Variants in DHX34 observed in about 807,000 individuals in gnomAD.
The protein encoded by DHX34 is probable ATP-dependent RNA helicase DHX34.
Under a neutral mutation model 111.1 loss-of-function variants are expected in DHX34, and 96 were observed. The observed-to-expected ratio is 0.86, with a 90% CI of 0.73 to 1.02. The LOEUF (loss-of-function observed/expected upper bound fraction) is 1.02. DHX34 is among the 50% of genes least tolerant of loss of function. The pLI, the probability that DHX34 is intolerant of heterozygous loss-of-function variation, is 0.00. For missense variants in DHX34, 1,560 were observed against 1,579.9 expected, an observed-to-expected ratio of 0.99 and a Z score of 0.21; for synonymous variants, 688 against 670.4, an observed-to-expected ratio of 1.03 and a Z score of -0.41.
chr19:47,363,679 G>A (rs1255708583), intron 6 of DHX34, among the ~76,000 whole-genome samples: 1 of 152,008 alleles, frequency 6.6e-6, no homozygotes, highest in Non-Finnish European at 1.5e-5. Flanking sequence ...TTAGCCGGGT[G>A]TGGTGGTGTG....
chr19:47,358,022 A>C lies in DHX34; in HGVS notation c.1174A>C (p.Ser392Arg). The C allele has an allele frequency of 6.2e-7, 1 of 1,613,600 alleles. No homozygotes were observed. Among genetic ancestry groups the C allele is most frequent in the Non-Finnish European group, 8.5e-7 (1 of 1,180,034 alleles). Residue 392 changes from serine (S) to arginine (R), a missense_variant, in exon 4 of 17, where the codon AGC becomes CGC. Transcript: ENST00000328771. ...CTTCCTCAGCGGCATGGCGGAGATC[A>C]GCGCCGTGCTGGAGGCTGCCCAGAC... Reference protein sequence around the residue: ...LVFLSGMAEISAVLEAAQTYA... With the variant: ...LVFLSGMAEIRAVLEAAQTYA...
At position 47,382,160 on chromosome 19, in the gene DHX34, C is replaced by T; in HGVS notation, c.*47C>T. On this transcript the variant is annotated 3_prime_UTR_variant, in exon 17 of 17. Coordinates refer to ENST00000328771, the MANE Select transcript of DHX34 (RefSeq NM_014681.6). The stretch of plus-strand genomic sequence containing the variant: ...ACCTCCGTGCAGCTGACCTGCCCTC[C>T]AGCCCAGGACTAGGGGCAGGACTCT... 6.2e-7 allele frequency: 1 copy of T among 1,607,384 alleles called. No individual in the cohort carries two copies. The highest frequency in any genetic ancestry group is 8.5e-7 in the Non-Finnish European group (1 of 1,176,684).
intron 3 of DHX34, 150 bp downstream of exon 3, chr19:47,355,500 C>G: frequency 1.5e-6 from 2 of 1,301,064 alleles, no homozygotes; most frequent in Non-Finnish European, 2.1e-6. Flanking sequence ...TCTGAGCATT[C>G]ATAATCAGCT....
chr19:47,381,119 C>CG lies in DHX34; in HGVS notation c.3160-60dup, dbSNP rs201698827. On this transcript the variant is annotated intron_variant, in intron 15 of 16. Transcript: ENST00000328771. ...CCCTGAGGGCTTCTGGGAAGGGTCC[C>CG]GGGGGGGCACTTGGGTGGTGGGTGG... The CG allele has an allele frequency of 1.9e-3, 2,966 of 1,597,932 alleles. 47 individuals carry two copies. The African/African-American group carries it at 0.028, about 15-fold the overall frequency.
At position 47,362,538 on chromosome 19, in the gene DHX34, A is replaced by G; in HGVS notation, c.1438A>G (p.Ile480Val). Residue 480 changes from isoleucine to valine, a missense_variant, in exon 6 of 17, where the codon ATT (isoleucine) becomes GTT (valine). Physicochemically the swap from Ile to Val is conservative, Grantham distance 29. Coordinates refer to ENST00000328771, the MANE Select transcript of DHX34 (RefSeq NM_014681.6). Reference protein sequence around the residue: ...AKLQRLQEFWISQASAEQRKG... With the variant: ...AKLQRLQEFWVSQASAEQRKG... ...GCTGCAACGGCTGCAGGAGTTCTGG[A>G]TTAGTCAGGCCAGCGCAGAGCAGCG... 2 of 1,610,336 alleles carry G rather than the reference A, an allele frequency of 1.2e-6. No individual in the cohort carries two copies. The highest frequency in any genetic ancestry group is 1.7e-6 in the Non-Finnish European group (2 of 1,178,248).
At position 47,373,667 on chromosome 19, in the gene DHX34, G is replaced by A. The variant is rs147516349; in HGVS notation, c.2031G>A (p.Leu677=). 1.2e-5 allele frequency: 19 copies of A among 1,613,934 alleles called. No homozygotes were observed. The African/African-American group carries it at 2.5e-4, about 22-fold the overall frequency. The change falls in exon 9 of 17, where the codon CTG becomes CTA. Residue 677 remains leucine (L), a synonymous_variant. Transcript: ENST00000328771. ...GCCGGGGCATAGAGGAGCATCGACT[G>A]TACGAAATGGCCAACCTTCGGCGCC... ...CRRRGIEEHR[L]YEMANLRRQF...
Position 47,377,084 on chromosome 19 carries a change from C to T in DHX34, c.2600-16C>T, listed in dbSNP as rs1217329114. 1.2e-6 allele frequency: 2 copies of T among 1,613,766 alleles called. No homozygotes were observed. Among genetic ancestry groups the T allele is most frequent in the Non-Finnish European group, 1.7e-6 (2 of 1,179,834 alleles). On this transcript the variant is annotated splice_polypyrimidine_tract_variant and intron_variant, in intron 12 of 16. Transcript: ENST00000328771. ...TGGGCCAGGGTGGGCCTGAGCGGTC[C>T]TCCTCAACCTTTCAGACGACAAGGA...
In DHX34 at chr19:47,358,004, A is replaced by G; in HGVS notation, c.1156A>G (p.Ser386Gly). The change falls in exon 4 of 17, where the codon AGC becomes GGC. Residue 386 changes from serine to glycine, a missense_variant. By Grantham distance (56) the Ser-to-Gly change is moderately conservative. Coordinates refer to ENST00000328771, the MANE Select transcript of DHX34 (RefSeq NM_014681.6). ...GCGGGGTGACCTCCTCGTCTTCCTC[A>G]GCGGCATGGCGGAGATCAGCGCCGT... ...EERGDLLVFL[S>G]GMAEISAVLE... 6.2e-7 allele frequency: 1 copy of G among 1,613,826 alleles called. No individual in the cohort carries two copies. Among genetic ancestry groups the G allele is most frequent in the Non-Finnish European group, 8.5e-7 (1 of 1,180,032 alleles).
chr19:47,370,845 G>A (rs1256210775), intron 7 of DHX34, among the ~76,000 whole-genome samples: 1 of 152,052 alleles, frequency 6.6e-6, no homozygotes, highest in Non-Finnish European at 1.5e-5. Context: ...CTCAGTTTTT[G>A]TATTTTTTAG....
At chr19:47,355,453 C>A in intron 3 of DHX34, 103 bp downstream of exon 3, 1 of 1,471,222 alleles carries the variant, frequency 6.8e-7, no homozygotes. Context: ...CCATCTCTTT[C>A]ATTTAAAGAT....
At chr19:47,373,819 A>G (rs1970047905) in intron 9 of DHX34, 119 bp downstream of exon 9, 5 of 1,238,864 alleles carry the variant, frequency 4.0e-6, no homozygotes, top group Non-Finnish European at 5.5e-6. Context: ...CCCTGCACCC[A>G]CCTCCCCCAC....
intron 6 of DHX34, chr19:47,366,726 A>G (rs1281962547): frequency 6.3e-5 from 33 of 523,112 alleles, no homozygotes; most frequent in Non-Finnish European, 7.8e-5. Flanking sequence ...GATTACAGTC[A>G]TGCACCACCA....
intron 9 of DHX34, among the ~76,000 whole-genome samples, chr19:47,374,304 G>A (rs1970064927): frequency 6.6e-6 from 1 of 151,946 alleles, no homozygotes; most frequent in African/African-American, 2.4e-5. Flanking sequence ...AGGCATGGTG[G>A]CACGTGCCTG....
chr19:47,375,643 G>A lies in DHX34; in HGVS notation c.2242G>A (p.Gly748Ser), dbSNP rs775611625. 5.5e-5 allele frequency: 85 copies of A among 1,554,270 alleles called. No individual in the cohort carries two copies. In the East Asian group the frequency reaches 1.0e-3, roughly 19 times the overall value. Residue 748 changes from glycine to serine, a missense_variant, in exon 10 of 17, where the codon GGC becomes AGC. Physicochemically the swap from Gly to Ser is moderately conservative, Grantham distance 56. Coordinates refer to ENST00000328771, the MANE Select transcript of DHX34 (RefSeq NM_014681.6). ...VLRLQEEQDG[G>S]SSDEDRAGPA... The stretch of plus-strand genomic sequence containing the variant: ...GCGGCTGCAGGAGGAGCAGGACGGC[G>A]GCTCCAGTGACGAGGACAGGGCTGG...
chr19:47,355,156 G>C lies in DHX34; in HGVS notation c.823G>C (p.Val275Leu). 6.2e-7 allele frequency: 1 copy of C among 1,614,022 alleles called. No individual in the cohort carries two copies. The highest frequency in any genetic ancestry group is 8.5e-7 in the Non-Finnish European group (1 of 1,180,014). The part of the protein sequence containing the change: ...QREPSLPQYE[V>L]LIVDEVHERH... ...GGAACCCAGCCTGCCCCAGTATGAG[G>C]TCCTGATTGTGGATGAAGTCCATGA... The change falls in exon 3 of 17, where the codon GTC becomes CTC. Residue 275 changes from valine to leucine, a missense_variant. By Grantham distance (32) the Val-to-Leu change is conservative. Coordinates refer to ENST00000328771, the MANE Select transcript of DHX34 (RefSeq NM_014681.6).
At chr19:47,381,433 C>T (rs1005612069) in intron 16 of DHX34, 109 bp downstream of exon 16, 18 of 1,445,792 alleles carry the variant, frequency 1.2e-5, no homozygotes, top group Non-Finnish European at 1.6e-5. Context: ...GACTGACGAC[C>T]TCCACCCGCT....
chr19:47,381,022 G>A (rs1263568984), intron 15 of DHX34, 30 bp downstream of exon 15: 1 of 1,542,876 alleles, frequency 6.5e-7, no homozygotes, highest in Non-Finnish European at 8.7e-7. Context: ...CCCTGAAGGT[G>A]GGATTTCAGG....
rs1278564523 is a variant in DHX34 at position 47,376,544 on chromosome 19, C to T, written c.2583C>T (p.Asn861=). 1.3e-6 allele frequency: 2 copies of T among 1,567,730 alleles called. No homozygotes were observed. The highest frequency in any genetic ancestry group is 2.4e-5 in the East Asian group (1 of 42,230). Residue 861 remains asparagine, a synonymous_variant, in exon 12 of 17, where the codon AAC becomes AAT. Coordinates refer to ENST00000328771, the MANE Select transcript of DHX34 (RefSeq NM_014681.6). ...VLHAQELEAS[N]CDGSRDDKDK... The stretch of plus-strand genomic sequence containing the variant: ...ACGCACAGGAGCTGGAGGCCAGCAA[C>T]TGCGACGGAAGCCGAGGTACAGTGA...
intron 1 of DHX34, among the ~76,000 whole-genome samples, chr19:47,349,692 T>TA (rs750407406): frequency 6.6e-6 from 1 of 151,984 alleles, no homozygotes; most frequent in Non-Finnish European, 1.5e-5. Context: ...GCGAGAGTCT[T>TA]AGAGCCCACG....
Sources: allele counts gnomAD v4.1 joint callset (sites outside exome capture counted in the v4.1 genomes callset), GRCh38; gene constraint gnomAD v4.1.1; transcripts MANE v1.5; gene names NCBI Gene and HGNC (gene_info 2026-07-23, HGNC 2026-07-21).